The following ARHGAP44 variants were observed in gnomAD, a reference collection of about 807,000 sequenced individuals.
ARHGAP44 encodes the protein rho GTPase-activating protein 44.
Under a neutral mutation model 106.8 loss-of-function variants are expected in ARHGAP44, and 43 were observed. That is an observed-to-expected ratio of 0.40 (90% CI 0.32 to 0.52). The LOEUF is 0.52. ARHGAP44 is among the 20% of genes least tolerant of loss of function. ARHGAP44 has a pLI of 0.48. For synonymous variants in ARHGAP44, 439 were observed against 410.3 expected (o/e 1.07, Z -0.85); for missense variants, 866 against 1,050.5 (o/e 0.82, Z 2.43).
At chr17:12,945,364 A>G (rs543224678) in intron 10 of ARHGAP44, among the ~76,000 whole-genome samples, 293 of 152,238 alleles carry the variant, frequency 1.9e-3, no homozygotes, top group African/African-American at 6.6e-3. Context: ...TTCCTGGGAG[A>G]TAGAGCTCAT....
At chr17:12,793,148 T>C (rs2033815531) in intron 1 of ARHGAP44, among the ~76,000 whole-genome samples, 2 of 152,122 alleles carry the variant, frequency 1.3e-5, no homozygotes, top group South Asian at 4.1e-4. Context: ...ACTTGCAAAA[T>C]GGGAGTAGTT....
chr17:12,916,426 C>T (rs1040960781), intron 5 of ARHGAP44, among the ~76,000 whole-genome samples: 2 of 152,076 alleles, frequency 1.3e-5, no homozygotes, highest in African/African-American at 2.4e-5. Flanking sequence ...CTCTGTCACC[C>T]AGGCTGGAGT....
In ARHGAP44 at chr17:12,868,591, T is replaced by TATA. The variant is rs2036305530; in HGVS notation, c.54-26349_54-26348insATA. Reference sequence around the variant, plus strand: ...ATTTAAAAAGTCATATATATGCATTTTATATATATATATATATATATATAT... The same window carrying TATA: ...ATTTAAAAAGTCATATATATGCATTTATATATATATATATATATATATATATAT... On this transcript the variant is annotated intron_variant, in intron 1 of 20. Coordinates refer to ENST00000379672, the MANE Select transcript of ARHGAP44 (RefSeq NM_014859.6). 6.8e-3 allele frequency among the ~76,000 whole-genome samples: 321 copies of TATA among 47,112 alleles called. 11 individuals carry two copies. Among genetic ancestry groups the TATA allele is most frequent in the South Asian group, 0.013 (15 of 1,112 alleles). The allele number at this position is 47,112 out of a possible 152,430, so 30.9% of individuals were successfully genotyped here.
chr17:12,857,785 T>TTTAC (rs2035955267), intron 1 of ARHGAP44, among the ~76,000 whole-genome samples: 1 of 149,398 alleles, frequency 6.7e-6, no homozygotes, highest in African/African-American at 2.4e-5. Flanking sequence ...TATTTATTTA[T>TTTAC]TTATTTATTT....
chr17:12,872,581 A>G (rs1207341535), intron 1 of ARHGAP44, among the ~76,000 whole-genome samples: 1 of 152,188 alleles, frequency 6.6e-6, no homozygotes, highest in Non-Finnish European at 1.5e-5. Context: ...TTGCTCTGTT[A>G]TATGCTAGCA....
chr17:12,974,572 T>C (rs1168173181), intron 18 of ARHGAP44, among the ~76,000 whole-genome samples: 1 of 151,748 alleles, frequency 6.6e-6, no homozygotes, highest in Non-Finnish European at 1.5e-5. Flanking sequence ...GGGTGAAGAG[T>C]CTTAGGTTCC....
intron 1 of ARHGAP44, among the ~76,000 whole-genome samples, chr17:12,844,181 G>T (rs4792288): frequency 0.34 from 51,714 of 151,986 alleles, 13,829 homozygotes; most frequent in African/African-American, 0.75. Flanking sequence ...TTTCTCTTAG[G>T]CTGTTTTCTG....
At chr17:12,877,941 T>G (rs1473329006) in intron 1 of ARHGAP44, among the ~76,000 whole-genome samples, 1 of 152,234 alleles carries the variant, frequency 6.6e-6, no homozygotes, top group Non-Finnish European at 1.5e-5. Context: ...AACTCCCAGG[T>G]AGCATGTTAA....
chr17:12,983,187 C>T (rs2039873987), intron 19 of ARHGAP44, among the ~76,000 whole-genome samples: 1 of 150,830 alleles, frequency 6.6e-6, no homozygotes, highest in Non-Finnish European at 1.5e-5. Context: ...ATGGCATGAA[C>T]CCGGGAGGCG....
intron 1 of ARHGAP44, among the ~76,000 whole-genome samples, chr17:12,849,124 G>A (rs1028919516): frequency 2.0e-5 from 3 of 151,528 alleles, no homozygotes; most frequent in African/African-American, 4.9e-5. Context: ...ATTTCTAGTC[G>A]CAGAGACCAT....
intron 20 of ARHGAP44, chr17:12,987,171 CG>C (rs1407663917): frequency 6.5e-7 from 1 of 1,529,326 alleles, no homozygotes; most frequent in African/African-American, 1.4e-5. Flanking sequence ...GCCCCGGCCT[CG>C]CCCCTCCACC....
chr17:12,789,533 G>T lies in ARHGAP44; in HGVS notation c.-306G>T, dbSNP rs866141212. The T allele has an allele frequency of 6.5e-4, 129 of 199,090 alleles. 3 individuals are homozygous for T. The highest frequency in any genetic ancestry group is 2.8e-3 in the African/African-American group (119 of 43,014). 12.3% of individuals were successfully genotyped at this position (199,090 alleles called of 1,614,324 possible). A position where few individuals can be genotyped will look rare whatever the true frequency, so the allele number is the denominator to read the frequency against. The stretch of plus-strand genomic sequence containing the variant: ...CGGAGACTCCCGGGTCCCCGCGCCG[G>T]ACTGGGACTGGGAGCAGGCAGCCCG... On this transcript the variant is annotated 5_prime_UTR_variant, in exon 1 of 21. Coordinates refer to ENST00000379672, the MANE Select transcript of ARHGAP44 (RefSeq NM_014859.6).
At chr17:12,804,906 A>G (rs1301612584) in intron 1 of ARHGAP44, among the ~76,000 whole-genome samples, 2 of 152,194 alleles carry the variant, frequency 1.3e-5, no homozygotes, top group African/African-American at 2.4e-5. Flanking sequence ...CTAGAGTGCA[A>G]TTCAGACATC....
intron 5 of ARHGAP44, among the ~76,000 whole-genome samples, chr17:12,918,528 T>G (rs1378266955): frequency 6.6e-6 from 1 of 152,178 alleles, no homozygotes; most frequent in Non-Finnish European, 1.5e-5. Flanking sequence ...AAAAAGAGCA[T>G]CTACATACAA....
chr17:12,974,888 C>T (rs1228682936), intron 18 of ARHGAP44, among the ~76,000 whole-genome samples: 21 of 124,064 alleles, frequency 1.7e-4, no homozygotes, highest in African/African-American at 4.5e-4. Flanking sequence ...CTCGGTTGGT[C>T]GCCCAGGCTG....
intron 18 of ARHGAP44, 39 bp downstream of exon 18, chr17:12,974,349 C>A (rs1325034673): frequency 7.3e-7 from 1 of 1,375,794 alleles, no homozygotes; most frequent in African/African-American, 1.5e-5. Flanking sequence ...GGCTGGTGTG[C>A]GGTGCAGGGG....
At position 12,826,690 on chromosome 17, in the gene ARHGAP44, T is replaced by C. The variant is rs530530766; in HGVS notation, c.53+36799T>C. Reference sequence around the variant, plus strand: ...TGCCAGACACCAAGACAAGAATGCTTGGATTTATCCTTAACTTTTCCCACC... The same window carrying C: ...TGCCAGACACCAAGACAAGAATGCTCGGATTTATCCTTAACTTTTCCCACC... On this transcript the variant is annotated intron_variant, in intron 1 of 20. Coordinates refer to ENST00000379672, the MANE Select transcript of ARHGAP44 (RefSeq NM_014859.6). 7.2e-4 allele frequency among the ~76,000 whole-genome samples: 110 copies of C among 152,362 alleles called. 1 individual carries two copies. The highest frequency in any genetic ancestry group is 1.1e-3 in the Admixed American group (17 of 15,302).
intron 8 of ARHGAP44, 113 bp from the exon 9 acceptor site, chr17:12,943,475 G>A: frequency 2.3e-6 from 2 of 877,482 alleles, no homozygotes; most frequent in Non-Finnish European, 3.7e-6. Flanking sequence ...GAGGGAATGG[G>A]TGACTACCTC....
chr17:12,814,713 C>T (rs1238766968), intron 1 of ARHGAP44, among the ~76,000 whole-genome samples: 2 of 152,036 alleles, frequency 1.3e-5, no homozygotes, highest in Non-Finnish European at 2.9e-5. Context: ...ATAGCAAATG[C>T]TGTTAGTGGT....
Sources: allele counts gnomAD v4.1 joint callset (sites outside exome capture counted in the v4.1 genomes callset), GRCh38; gene constraint gnomAD v4.1.1; transcripts MANE v1.5; gene names NCBI Gene and HGNC (gene_info 2026-07-23, HGNC 2026-07-21).